MOGS: variants seen among roughly 807,000 people sequenced by gnomAD.
The protein encoded by MOGS is epididymis secretory sperm binding protein.
In MOGS, 45 loss-of-function variants were observed where a neutral mutation model predicts 68.5. The ratio of observed to expected loss-of-function variants is 0.66; its 90% CI spans 0.52 to 0.84. The LOEUF (loss-of-function observed/expected upper bound fraction) is 0.84. Ranked by LOEUF, MOGS falls within the 40% of genes least tolerant of loss-of-function variation. The pLI, the probability that MOGS is intolerant of heterozygous loss-of-function variation, is 0.00. For missense variants in MOGS, 1,020 were observed against 1,095.0 expected (o/e 0.93, Z 0.97); for synonymous variants, 492 against 461.2 (o/e 1.07, Z -0.86).
chr2:74,461,636 T>C lies in MOGS; in HGVS notation c.2153A>G (p.Asp718Gly). The C allele has an allele frequency of 6.2e-7, 1 of 1,614,058 alleles. No individual in the cohort carries two copies. ...AAAGGGGCTCCAGAGATGGCGGCTG[T>C]CGGCTAGAATGTCCAGCAGGGGCCC... ...RLGPLLDILADSRHLWSPFGL... is the reference protein window; with the variant it reads ...RLGPLLDILAGSRHLWSPFGL... Residue 718 changes from aspartate (D) to glycine (G), a missense_variant, in exon 4 of 4, where the codon GAC (aspartate) becomes GGC (glycine). By Grantham distance (94) the Asp-to-Gly change is moderately conservative (BLOSUM62 -1). This residue lies in a region of MOGS where 270 missense variants were observed against 261.3 expected (regional missense o/e 1.03). Transcript: ENST00000448666.
intron 2 of MOGS, chr2:74,463,597 T>C (rs1671990166): frequency 6.9e-6 from 4 of 581,380 alleles, no homozygotes; most frequent in South Asian, 3.8e-5. Context: ...CCCTGGGAGA[T>C]AACAGTATAC....
In MOGS at chr2:74,462,921, G is replaced by C. The variant is rs781456053; in HGVS notation, c.868C>G (p.Pro290Ala). 6.2e-7 allele frequency: 1 copy of C among 1,614,182 alleles called. No homozygotes were observed. Among genetic ancestry groups the C allele is most frequent in the Non-Finnish European group, 8.5e-7 (1 of 1,180,040 alleles). Residue 290 changes from proline (P) to alanine (A), a missense_variant, in exon 4 of 4, where the codon CCA becomes GCA. Pro to Ala is a conservative substitution (Grantham distance 27). Coordinates refer to ENST00000448666, the MANE Select transcript of MOGS (RefSeq NM_006302.3). ...AGGTAGCGTTCAGGGGGGGCCCCTG[G>C]GGGCCGATGCTGAAACCAGCTATTT... Reference protein sequence around the residue: ...RLNSWFQHRPPGAPPERYLGL... With the variant: ...RLNSWFQHRPAGAPPERYLGL...
At position 74,462,950 on chromosome 2, in the gene MOGS, C is replaced by G. The variant is rs571061699; in HGVS notation, c.839G>C (p.Arg280Pro). The G allele has an allele frequency of 1.2e-6, 2 of 1,614,166 alleles. No individual in the cohort carries two copies. Among genetic ancestry groups the G allele is most frequent in the Admixed American group, 3.3e-5 (2 of 60,028 alleles). Residue 280 changes from arginine to proline, a missense_variant, in exon 4 of 4, where the codon CGC becomes CCC. Arg to Pro is a moderately radical substitution (Grantham distance 103, BLOSUM62 -2). This residue lies in a region of MOGS where 569 missense variants were observed against 571.9 expected (regional missense o/e 0.99). Transcript: ENST00000448666. ...CCGATGCTGAAACCAGCTATTTAGG[C>G]GACTCTTTACCATCTCTGTCAGCAG... The part of the protein sequence containing the change: ...LPLLTEMVKS[R>P]LNSWFQHRPP...
Position 74,461,068 on chromosome 2 carries a change from A to G in MOGS, c.*207T>C. The G allele has an allele frequency of 4.4e-6, 3 of 684,310 alleles. No individual in the cohort carries two copies. Among genetic ancestry groups the G allele is most frequent in the Non-Finnish European group, 4.9e-6 (2 of 407,836 alleles). 42.4% of individuals were successfully genotyped at this position (684,310 alleles called of 1,614,324 possible). On this transcript the variant is annotated 3_prime_UTR_variant, in exon 4 of 4. Transcript: ENST00000448666. Reference sequence around the variant, plus strand: ...TCTGGCAAAAGCAATAGAGTTCAAAATGTTTTTTCCAATTTATTTAGAAAA... The same window carrying G: ...TCTGGCAAAAGCAATAGAGTTCAAAGTGTTTTTTCCAATTTATTTAGAAAA...
Position 74,465,182 on chromosome 2 carries a change from C to T in MOGS, c.66G>A (p.Ala22=), listed in dbSNP as rs1265466025. ...PAEGVRTAER[A]ARGGPGRRDG... ...CCCGTCGCCCGGGGCCTCCCCGAGC[C>T]GCCCTCTCGGCTGTCCGCACTCCCT... Residue 22 remains alanine, a synonymous_variant, in exon 1 of 4, where the codon GCG becomes GCA. Coordinates refer to ENST00000448666, the MANE Select transcript of MOGS (RefSeq NM_006302.3). The T allele has an allele frequency of 6.5e-7, 1 of 1,534,518 alleles. No homozygotes were observed. Among genetic ancestry groups the T allele is most frequent in the Non-Finnish European group, 8.7e-7 (1 of 1,148,326 alleles).
rs1671928273 is a variant in MOGS, at chr2:74,462,103, C to T, written c.1686G>A (p.Trp562Ter). 1 of 1,614,130 alleles carries T rather than the reference C, an allele frequency of 6.2e-7. No individual in the cohort carries two copies. The highest frequency in any genetic ancestry group is 1.3e-5 in the African/African-American group (1 of 75,046). Reference protein sequence around the residue: ...QAGPLPLSYRWRGRDPALPTL... With the variant: ...QAGPLPLSYR ...TTGGTAAGGCAGGGTCCCGTCCCCGCCAGCGGTAAGATAGTGGCAGTGGGC... is the reference window on the plus strand; with the variant it reads ...TTGGTAAGGCAGGGTCCCGTCCCCGTCAGCGGTAAGATAGTGGCAGTGGGC... Residue 562 changes from tryptophan to a stop codon, truncating the protein, a stop_gained, in exon 4 of 4, where the codon TGG becomes TGA. Transcript: ENST00000448666. LOFTEE classifies it high-confidence loss of function.
Position 74,464,932 on chromosome 2 carries a change from C to G in MOGS, c.316G>C (p.Gly106Arg), listed in dbSNP as rs1327800644. The G allele has an allele frequency of 5.6e-6, 9 of 1,602,578 alleles. No individual in the cohort carries two copies. The highest frequency in any genetic ancestry group is 7.7e-6 in the Non-Finnish European group (9 of 1,174,056). Residue 106 changes from glycine to arginine, a missense_variant, in exon 1 of 4, where the codon GGC becomes CGC. By Grantham distance (125) the Gly-to-Arg change is moderately radical. Coordinates refer to ENST00000448666, the MANE Select transcript of MOGS (RefSeq NM_006302.3). The stretch of plus-strand genomic sequence containing the variant: ...GGCTTCGGGCTGCGGGTCTTCATGC[C>G]GAAGTAGACGTGAGGGCGGTAGGTT... ...WGTYRPHVYF[G>R]MKTRSPKPLL...
In MOGS at chr2:74,465,325, C is replaced by T. The variant is rs1672039916; in HGVS notation, c.-78G>A. On this transcript the variant is annotated 5_prime_UTR_variant, in exon 1 of 4. Transcript: ENST00000448666. Reference sequence around the variant, plus strand: ...GGGTCCTGCCTCACCTCTCCGGCTCCCGCCTCTCGCCCTGGCGACCACCGT... The same window carrying T: ...GGGTCCTGCCTCACCTCTCCGGCTCTCGCCTCTCGCCCTGGCGACCACCGT... 1.9e-6 allele frequency: 2 copies of T among 1,067,418 alleles called. No homozygotes were observed. The highest frequency in any genetic ancestry group is 2.5e-6 in the Non-Finnish European group (2 of 814,606). The allele number at this position is 1,067,418 out of a possible 1,614,324, so 66.1% of individuals were successfully genotyped here. A position where few individuals can be genotyped will look rare whatever the true frequency, so the allele number is the denominator to read the frequency against.
chr2:74,461,426 C>G lies in MOGS; in HGVS notation c.2363G>C (p.Arg788Pro). 6.2e-7 allele frequency: 1 copy of G among 1,614,242 alleles called. No homozygotes were observed. Among genetic ancestry groups the G allele is most frequent in the Non-Finnish European group, 8.5e-7 (1 of 1,180,052 alleles). The change falls in exon 4 of 4, where the codon CGT becomes CCT. Residue 788 changes from arginine to proline, a missense_variant. This residue lies in a region of MOGS where 270 missense variants were observed against 261.3 expected (regional missense o/e 1.03). Coordinates refer to ENST00000448666, the MANE Select transcript of MOGS (RefSeq NM_006302.3). Reference protein sequence around the residue: ...ARAAKLHGELRANVVGNVWRQ... With the variant: ...ARAAKLHGELPANVVGNVWRQ... ...CCATACATTGCCTACCACGTTGGCA[C>G]GGAGCTCACCGTGGAGTTTGGCAGC...
At chr2:74,463,660 CTT>C (rs952902052) in intron 2 of MOGS, 6,784 of 195,450 alleles carry the variant, frequency 0.035, no homozygotes, top group South Asian at 0.064. Flanking sequence ...TCATTTAATT[CTT>C]TTTTTTTTTT....
In MOGS at chr2:74,461,749, T is replaced by A. The variant is rs747450657; in HGVS notation, c.2040A>T (p.Gln680His). 4.3e-6 allele frequency: 7 copies of A among 1,613,968 alleles called. No homozygotes were observed. In the African/African-American group the frequency reaches 9.3e-5, roughly 22 times the overall value. The part of the protein sequence containing the change: ...QGLVRVVGRP[Q>H]PQLQYVDALG... The stretch of plus-strand genomic sequence containing the variant: ...GAGCATCTACATACTGCAGTTGAGG[T>A]TGGGGCCGACCCACCACCCGAACGA... Residue 680 changes from glutamine (Q) to histidine (H), a missense_variant, in exon 4 of 4, where the codon CAA (glutamine) becomes CAT (histidine). Gln to His is a conservative substitution (Grantham distance 24, BLOSUM62 0). Coordinates refer to ENST00000448666, the MANE Select transcript of MOGS (RefSeq NM_006302.3).
rs748314380 is a variant in MOGS, at chr2:74,462,091, G to A, written c.1698C>T (p.Asp566=). 8 of 1,614,146 alleles carry A rather than the reference G, an allele frequency of 5.0e-6. No homozygotes were observed. In the Admixed American group the frequency reaches 1.2e-4, roughly 24 times the overall value. ...GGTTCAGTAAGGTTGGTAAGGCAGG[G>A]TCCCGTCCCCGCCAGCGGTAAGATA... ...LPLSYRWRGR[D]PALPTLLNPK... Residue 566 remains aspartate (D), a synonymous_variant, in exon 4 of 4, where the codon GAC becomes GAT. Coordinates refer to ENST00000448666, the MANE Select transcript of MOGS (RefSeq NM_006302.3).
At chr2:74,464,132 T>A (rs1005609009) in intron 2 of MOGS, among the ~76,000 whole-genome samples, 11 of 151,894 alleles carry the variant, frequency 7.2e-5, no homozygotes, top group Non-Finnish European at 8.8e-5. Context: ...GCTAATTTTA[T>A]ATTTTCAGTA....
In MOGS at chr2:74,461,501, A is replaced by G; in HGVS notation, c.2288T>C (p.Leu763Ser). Reference protein sequence around the residue: ...AVWLNVNYLALGALHHYGHLE... With the variant: ...AVWLNVNYLASGALHHYGHLE... The stretch of plus-strand genomic sequence containing the variant: ...ATGCCCATAGTGGTGGAGTGCTCCC[A>G]AAGCCAGGTAGTTGACATTGAGCCA... The change falls in exon 4 of 4, where the codon TTG (leucine) becomes TCG (serine). Residue 763 changes from leucine to serine, a missense_variant. By Grantham distance (145) the Leu-to-Ser change is moderately radical (BLOSUM62 -2). This residue lies in a region of MOGS where 270 missense variants were observed against 261.3 expected (regional missense o/e 1.03). Transcript: ENST00000448666. The G allele has an allele frequency of 2.5e-6, 4 of 1,614,036 alleles. No individual in the cohort carries two copies. Among genetic ancestry groups the G allele is most frequent in the Non-Finnish European group, 3.4e-6 (4 of 1,179,940 alleles).
chr2:74,462,082 T>C lies in MOGS; in HGVS notation c.1707A>G (p.Leu569=). The stretch of plus-strand genomic sequence containing the variant: ...GGGTCTTGGGGTTCAGTAAGGTTGG[T>C]AAGGCAGGGTCCCGTCCCCGCCAGC... The part of the protein sequence containing the change: ...SYRWRGRDPA[L]PTLLNPKTLP... The change falls in exon 4 of 4, where the codon TTA becomes TTG. Residue 569 remains leucine (L), a synonymous_variant. Coordinates refer to ENST00000448666, the MANE Select transcript of MOGS (RefSeq NM_006302.3). The C allele has an allele frequency of 6.2e-7, 1 of 1,614,082 alleles. No individual in the cohort carries two copies. The highest frequency in any genetic ancestry group is 8.5e-7 in the Non-Finnish European group (1 of 1,179,948).
chr2:74,461,745 G>A lies in MOGS; in HGVS notation c.2044C>T (p.Gln682Ter), dbSNP rs1198843233. 1 of 1,614,246 alleles carries A rather than the reference G, an allele frequency of 6.2e-7. No homozygotes were observed. The stretch of plus-strand genomic sequence containing the variant: ...CCAAGAGCATCTACATACTGCAGTT[G>A]AGGTTGGGGCCGACCCACCACCCGA... Reference protein sequence around the residue: ...LVRVVGRPQPQLQYVDALGYV... With the variant: ...LVRVVGRPQP The change falls in exon 4 of 4, where the codon CAA becomes TAA. Residue 682 changes from glutamine (Q) to a stop codon, truncating the protein, a stop_gained. Coordinates refer to ENST00000448666, the MANE Select transcript of MOGS (RefSeq NM_006302.3). LOFTEE classifies it high-confidence loss of function.
intron 2 of MOGS, among the ~76,000 whole-genome samples, chr2:74,464,033 C>T (rs1439865674): frequency 1.3e-5 from 2 of 150,698 alleles, no homozygotes; most frequent in Non-Finnish European, 2.9e-5. Context: ...GATCTCGGCT[C>T]AGCGCAACCT....
Position 74,461,183 on chromosome 2 carries a change from G to C in MOGS, c.*92C>G. 1 of 1,432,062 alleles carries C rather than the reference G, an allele frequency of 7.0e-7. No individual in the cohort carries two copies. The highest frequency in any genetic ancestry group is 1.4e-5 in the African/African-American group (1 of 71,178). The allele number at this position is 1,432,062 out of a possible 1,614,324, so 88.7% of individuals were successfully genotyped here. A position where few individuals can be genotyped will look rare whatever the true frequency, so the allele number is the denominator to read the frequency against. The stretch of plus-strand genomic sequence containing the variant: ...GAAATGAGGAAGGTTTGAATTACTG[G>C]TATCCAAGGGGCTGGGGGCAAAAGC... On this transcript the variant is annotated 3_prime_UTR_variant, in exon 4 of 4. Coordinates refer to ENST00000448666, the MANE Select transcript of MOGS (RefSeq NM_006302.3).
rs756186613 is a variant in MOGS, at chr2:74,461,418, C to T, written c.2371G>A (p.Val791Met). 23 of 1,614,118 alleles carry T rather than the reference C, an allele frequency of 1.4e-5. No individual in the cohort carries two copies. Among genetic ancestry groups the T allele is most frequent in the African/African-American group, 6.7e-5 (5 of 74,950 alleles). ...AKLHGELRANVVGNVWRQYQA... is the reference protein window; with the variant it reads ...AKLHGELRANMVGNVWRQYQA... ...TACTGGCGCCATACATTGCCTACCACGTTGGCACGGAGCTCACCGTGGAGT... is the reference window on the plus strand; with the variant it reads ...TACTGGCGCCATACATTGCCTACCATGTTGGCACGGAGCTCACCGTGGAGT... Residue 791 changes from valine to methionine, a missense_variant, in exon 4 of 4, where the codon GTG (valine) becomes ATG (methionine). Physicochemically the swap from Val to Met is conservative, Grantham distance 21. Coordinates refer to ENST00000448666, the MANE Select transcript of MOGS (RefSeq NM_006302.3).
Sources: allele counts gnomAD v4.1 joint callset (sites outside exome capture counted in the v4.1 genomes callset), GRCh38; gene constraint gnomAD v4.1.1; regional missense constraint gnomAD v4.1.1; transcripts MANE v1.5; gene names NCBI Gene and HGNC (gene_info 2026-07-23, HGNC 2026-07-21).